Variants in DMAC2L observed in about 807,000 individuals in gnomAD.
DMAC2L encodes ATP synthase subunit s, mitochondrial.
DMAC2L carries 21 observed loss-of-function variants against 22.5 expected under a neutral mutation model. That is an observed-to-expected ratio of 0.93 (90% CI 0.66 to 1.34). The LOEUF is 1.34. Ranked by LOEUF, DMAC2L falls within the 40% of genes most tolerant of loss-of-function variation. DMAC2L has a pLI of 0.00. For synonymous variants in DMAC2L, 86 were observed against 89.5 expected (o/e 0.96, Z 0.22); for missense variants, 239 against 246.5 (o/e 0.97, Z 0.20).
intron 4 of DMAC2L, 53 bp from the exon 5 acceptor site, chr14:50,323,892 G>C: frequency 6.7e-7 from 1 of 1,493,210 alleles, no homozygotes; most frequent in Non-Finnish European, 9.1e-7. Context: ...AACCAGGACA[G>C]TTTGTCATCT....
At chr14:50,312,832 T>C (rs934135174) in intron 1 of DMAC2L, 2 of 631,232 alleles carry the variant, frequency 3.2e-6, no homozygotes, top group Non-Finnish European at 5.6e-6. Flanking sequence ...GCCCGCAGTC[T>C]TCTGGACTTC....
At chr14:50,321,706 A>AT in intron 3 of DMAC2L, 112 bp downstream of exon 3, 1 of 678,864 alleles carries the variant, frequency 1.5e-6, no homozygotes, top group Non-Finnish European at 2.4e-6. Flanking sequence ...TGTGATCCTA[A>AT]TTTTGTTTAC....
At chr14:50,312,130 A>AT, upstream of DMAC2L, 1 of 1,610,406 alleles carries the variant, frequency 6.2e-7, no homozygotes, top group East Asian at 2.2e-5. Flanking sequence ...CACCAACCAA[A>AT]TAACGCAGCG....
Position 50,322,691 on chromosome 14 carries a change from T to A in DMAC2L, c.288T>A (p.Cys96Ter). The change falls in exon 4 of 6, where the codon TGT (cysteine) becomes TGA (stop). Residue 96 changes from cysteine to a stop codon, truncating the protein, a stop_gained. Coordinates refer to ENST00000557421, the MANE Select transcript of DMAC2L (RefSeq NM_001382507.1). LOFTEE classifies it high-confidence loss of function. ...AGGCGATCGACGCCACCGACTCTTGTATCATGAGCATTGGATTTGATCACA... is the reference window on the plus strand; with the variant it reads ...AGGCGATCGACGCCACCGACTCTTGAATCATGAGCATTGGATTTGATCACA... The part of the protein sequence containing the change: ...KIQAIDATDS[C>*]IMSIGFDHME... 1 of 1,614,218 alleles carries A rather than the reference T, an allele frequency of 6.2e-7. No individual in the cohort carries two copies. The highest frequency in any genetic ancestry group is 8.5e-7 in the Non-Finnish European group (1 of 1,180,046).
At position 50,326,252 on chromosome 14, in the gene DMAC2L, A is replaced by G; in HGVS notation, c.*529A>G. ...AAAAAAAAAAAAAAAAGAAAAATGT[A>G]AACTAGGTAACATTTTAATTCTAAT... is the stretch of plus-strand genomic sequence containing the variant. On this transcript the variant is annotated 3_prime_UTR_variant, in exon 6 of 6. Coordinates refer to ENST00000557421, the MANE Select transcript of DMAC2L (RefSeq NM_001382507.1). 2.4e-6 allele frequency: 1 copy of G among 425,174 alleles called. No individual in the cohort carries two copies. The highest frequency in any genetic ancestry group is 3.1e-6 in the Non-Finnish European group (1 of 318,470). The allele number at this position is 425,174 out of a possible 1,614,324, so 26.3% of individuals were successfully genotyped here.
rs2032373868 is a variant in DMAC2L at position 50,322,629 on chromosome 14, C to T, written c.226C>T (p.His76Tyr). The T allele has an allele frequency of 6.2e-7, 1 of 1,614,208 alleles. No homozygotes were observed. Among genetic ancestry groups the T allele is most frequent in the Middle Eastern group, 1.6e-4 (1 of 6,062 alleles). The part of the protein sequence containing the change: ...GQERWQKDYN[H>Y]LPTGPLDKYK... Reference sequence around the variant, plus strand: ...GGAGAGGTGGCAGAAGGACTACAACCACCTTCCAACAGGCCCTCTGGACAA... The same window carrying T: ...GGAGAGGTGGCAGAAGGACTACAACTACCTTCCAACAGGCCCTCTGGACAA... The change falls in exon 4 of 6, where the codon CAC becomes TAC. Residue 76 changes from histidine (H) to tyrosine (Y), a missense_variant. Physicochemically the swap from His to Tyr is moderately conservative, Grantham distance 83. Transcript: ENST00000557421.
chr14:50,323,185 A>ACGCCATT (rs368493650), intron 4 of DMAC2L, among the ~76,000 whole-genome samples: 21 of 149,298 alleles, frequency 1.4e-4, no homozygotes, highest in African/African-American at 5.2e-4. Flanking sequence ...TCCCAGGTTC[A>ACGCCATT]CGCCATTCTC....
In DMAC2L at chr14:50,325,863, AAAAT is replaced by A; in HGVS notation, c.*146_*149del. On this transcript the variant is annotated 3_prime_UTR_variant, in exon 6 of 6. Coordinates refer to ENST00000557421, the MANE Select transcript of DMAC2L (RefSeq NM_001382507.1). ...GAAGTGGAGAGTGCATCATATGTAGAAAATAAATATTCAGACGTGGCTCATTAAT... is the reference window on the plus strand; with the variant it reads ...GAAGTGGAGAGTGCATCATATGTAGAAAATATTCAGACGTGGCTCATTAAT... The A allele has an allele frequency of 7.5e-7, 1 of 1,339,272 alleles. No individual in the cohort carries two copies. The highest frequency in any genetic ancestry group is 1.5e-5 in the African/African-American group (1 of 67,136). The allele number at this position is 1,339,272 out of a possible 1,614,324, so 83.0% of individuals were successfully genotyped here.
intron 2 of DMAC2L, among the ~76,000 whole-genome samples, chr14:50,315,713 C>G (rs2031736293): frequency 6.9e-6 from 1 of 145,402 alleles, no homozygotes; most frequent in African/African-American, 2.5e-5. Context: ...CAATCCTATT[C>G]AGGTTGCTGC....
intron 1 of DMAC2L, chr14:50,312,630 G>GC (rs751848183): frequency 0.091 from 21,177 of 232,980 alleles, 1,240 homozygotes; most frequent in Non-Finnish European, 0.11. Flanking sequence ...CCCCGCCCCC[G>GC]CCCCGCCCCC....
chr14:50,326,317 G>A lies in DMAC2L; in HGVS notation c.*594G>A. Reference sequence around the variant, plus strand: ...TGTAAATCTATAGATATCTCTTGATGTAGATATTTAGAATCCTTTAAAGTT... The same window carrying A: ...TGTAAATCTATAGATATCTCTTGATATAGATATTTAGAATCCTTTAAAGTT... On this transcript the variant is annotated 3_prime_UTR_variant, in exon 6 of 6. Transcript: ENST00000557421. 1 of 564,170 alleles carries A rather than the reference G, an allele frequency of 1.8e-6. No homozygotes were observed. The highest frequency in any genetic ancestry group is 2.2e-6 in the Non-Finnish European group (1 of 445,876). The allele number at this position is 564,170 out of a possible 1,614,324, so 34.9% of individuals were successfully genotyped here.
chr14:50,319,347 C>T (rs1010951056), intron 2 of DMAC2L: 47 of 1,535,610 alleles, frequency 3.1e-5, no homozygotes, highest in Non-Finnish European at 3.8e-5. Flanking sequence ...GTTCCACGGC[C>T]TCAGCATCCT....
intron 2 of DMAC2L, among the ~76,000 whole-genome samples, chr14:50,315,238 T>G (rs2031669401): frequency 6.6e-6 from 1 of 150,508 alleles, no homozygotes; most frequent in Non-Finnish European, 1.5e-5. Flanking sequence ...AGTGTTGGGA[T>G]TACAGGCATG....
chr14:50,313,169 T>G, intron 1 of DMAC2L: 3 of 888,840 alleles, frequency 3.4e-6, no homozygotes, highest in Middle Eastern at 4.3e-4. Context: ...TTGCTAACAC[T>G]CATTCTGTAT....
chr14:50,322,962 TA>T (rs1326574724), intron 4 of DMAC2L: 27 of 1,372,010 alleles, frequency 2.0e-5, no homozygotes, highest in Non-Finnish European at 3.8e-6. Flanking sequence ...TTTATTGACT[TA>T]AAATCCAGGG....
intron 1 of DMAC2L, chr14:50,312,671 C>G (rs376972375): frequency 8.9e-6 from 3 of 337,120 alleles, no homozygotes; most frequent in East Asian, 1.3e-4. Flanking sequence ...CTCGCTCGGC[C>G]CCGCACGCGG....
intron 2 of DMAC2L, chr14:50,319,119 C>T: frequency 6.7e-7 from 1 of 1,492,054 alleles, no homozygotes; most frequent in Non-Finnish European, 8.9e-7. Flanking sequence ...AGAAAACAGC[C>T]TGAGTAGAAG....
At chr14:50,319,697 A>G (rs1006382673) in intron 2 of DMAC2L, among the ~76,000 whole-genome samples, 4 of 152,176 alleles carry the variant, frequency 2.6e-5, no homozygotes, top group Admixed American at 6.5e-5. Flanking sequence ...TCTGATTCCA[A>G]TGATTTGTTG....
intron 1 of DMAC2L, 136 bp downstream of exon 1, chr14:50,312,525 G>C: frequency 2.8e-6 from 1 of 355,260 alleles, no homozygotes; most frequent in Non-Finnish European, 5.2e-6. Flanking sequence ...ACCGCCATGC[G>C]GACATGGGGC....
Sources: gnomAD v4.1 joint callset for allele counts (sites outside exome capture counted in the v4.1 genomes callset) on GRCh38, gnomAD v4.1.1 for gene constraint, MANE v1.5 for transcripts, NCBI Gene and HGNC (gene_info 2026-07-23, HGNC 2026-07-21) for gene names.